DISP1: variants seen among roughly 807,000 people sequenced by gnomAD.
DISP1 encodes the protein protein dispatched homolog 1.
Under a neutral mutation model 37.3 loss-of-function variants are expected in DISP1, and 30 were observed. That is an observed-to-expected ratio of 0.80 (90% CI 0.60 to 1.09). The LOEUF is 1.09. Among genes scored for constraint, DISP1 ranks in the 50% least tolerant of loss-of-function variants. DISP1 has a pLI of 0.00. For missense variants in DISP1, 1,598 were observed against 1,879.5 expected, an observed-to-expected ratio of 0.85 and a Z score of 2.77; for synonymous variants, 634 against 690.2, an observed-to-expected ratio of 0.92 and a Z score of 1.28.
chr1:222,815,048 C>G lies in DISP1; in HGVS notation c.-189C>G, dbSNP rs1320486877. The G allele has an allele frequency of 6.6e-6, 1 of 152,204 alleles. No individual in the cohort carries two copies. The highest frequency in any genetic ancestry group is 2.1e-4 in the South Asian group (1 of 4,834). 9.4% of individuals were successfully genotyped at this position (152,204 alleles called of 1,614,324 possible). A position where few individuals can be genotyped will look rare whatever the true frequency, so the allele number is the denominator to read the frequency against. On this transcript the variant is annotated 5_prime_UTR_variant, in exon 1 of 9. Transcript: ENST00000675850. ...GACCGCGCCAGGCGGAAGCCCGGCT[C>G]CGGGCCAGCATCCGAGAGCCCGGAC...
At chr1:222,965,176 G>C (rs1390268258) in intron 3 of DISP1, among the ~76,000 whole-genome samples, 3 of 152,132 alleles carry the variant, frequency 2.0e-5, no homozygotes, top group Non-Finnish European at 4.4e-5. Flanking sequence ...GGCTGCCTGG[G>C]TTTGAATCCT....
At chr1:222,855,461 C>G (rs939682383) in intron 1 of DISP1, among the ~76,000 whole-genome samples, 3 of 152,158 alleles carry the variant, frequency 2.0e-5, no homozygotes, top group Admixed American at 6.5e-5. Flanking sequence ...ACAAACTGAA[C>G]TAGTTAGAAA....
At chr1:222,970,452 G>A (rs1431785394) in intron 3 of DISP1, among the ~76,000 whole-genome samples, 2 of 152,076 alleles carry the variant, frequency 1.3e-5, no homozygotes, top group East Asian at 1.9e-4. Context: ...CTTATGGGGG[G>A]ATCATTTTTA....
chr1:222,852,515 G>A (rs927729493), intron 1 of DISP1, among the ~76,000 whole-genome samples: 2 of 151,804 alleles, frequency 1.3e-5, no homozygotes, highest in African/African-American at 4.8e-5. Context: ...CACCAAAGTT[G>A]TTTTCTTAAC....
intron 1 of DISP1, among the ~76,000 whole-genome samples, chr1:222,906,325 T>A (rs1292694029): frequency 6.6e-6 from 1 of 152,210 alleles, no homozygotes; most frequent in Non-Finnish European, 1.5e-5. Context: ...GGGGGAACTT[T>A]TTCTTGTTTG....
intron 3 of DISP1, among the ~76,000 whole-genome samples, chr1:222,954,311 A>G (rs1185485010): frequency 3.9e-5 from 6 of 152,224 alleles, no homozygotes; most frequent in African/African-American, 2.4e-5. Context: ...TGTTCTTTTC[A>G]GCAAAATTGA....
chr1:222,906,748 G>A (rs1671918403), intron 1 of DISP1, among the ~76,000 whole-genome samples: 1 of 152,230 alleles, frequency 6.6e-6, no homozygotes, highest in Admixed American at 6.5e-5. Context: ...ATAAAAATGG[G>A]CAACCAGCAG....
At chr1:222,878,815 T>G (rs529434007) in intron 1 of DISP1, among the ~76,000 whole-genome samples, 92 of 152,300 alleles carry the variant, frequency 6.0e-4, no homozygotes, top group African/African-American at 2.0e-3. Flanking sequence ...CAAATATTCA[T>G]TTTAATTCTT....
intron 1 of DISP1, chr1:222,827,634 A>G (rs1664751679): frequency 6.6e-6 from 1 of 152,172 alleles, no homozygotes; most frequent in South Asian, 2.1e-4. Context: ...TATATAATTA[A>G]TAATCATTTT....
At chr1:222,947,438 A>G (rs2125505435) in intron 3 of DISP1, among the ~76,000 whole-genome samples, 1 of 152,232 alleles carries the variant, frequency 6.6e-6, no homozygotes, top group East Asian at 1.9e-4. Flanking sequence ...TATCAATTAC[A>G]CAATACATTT....
chr1:223,004,984 C>T lies in DISP1; in HGVS notation c.3587C>T (p.Pro1196Leu), dbSNP rs1451993871. The part of the protein sequence containing the change: ...ELEHEFYELE[P>L]LASHSCTAPE... The stretch of plus-strand genomic sequence containing the variant: ...GAGCATGAGTTTTATGAATTAGAAC[C>T]TCTGGCTTCCCACAGCTGCACTGCC... Residue 1196 changes from proline (P) to leucine (L), a missense_variant, in exon 9 of 9, where the codon CCT (proline) becomes CTT (leucine). Physicochemically the swap from Pro to Leu is moderately conservative, Grantham distance 98. Coordinates refer to ENST00000675850, the MANE Select transcript of DISP1 (RefSeq NM_001377229.1). The surrounding 1 kb of genome is among the most constrained non-coding windows in gnomAD (Gnocchi z 4.9). The T allele has an allele frequency of 3.7e-6, 6 of 1,613,948 alleles. No individual in the cohort carries two copies. In the East Asian group the frequency reaches 8.9e-5, roughly 24 times the overall value.
intron 3 of DISP1, among the ~76,000 whole-genome samples, chr1:222,979,157 C>T (rs1483194033): frequency 6.6e-6 from 1 of 152,158 alleles, no homozygotes; most frequent in Non-Finnish European, 1.5e-5. Flanking sequence ...GCCTGTAATC[C>T]CAGCACTTTG....
At chr1:222,940,611 T>C (rs1436549886) in intron 2 of DISP1, among the ~76,000 whole-genome samples, 2 of 152,194 alleles carry the variant, frequency 1.3e-5, no homozygotes, top group African/African-American at 4.8e-5. Context: ...ATTGATTGAA[T>C]TAAATACCTA....
chr1:222,832,370 A>G (rs1318857355), intron 1 of DISP1, among the ~76,000 whole-genome samples: 1 of 152,180 alleles, frequency 6.6e-6, no homozygotes, highest in Non-Finnish European at 1.5e-5. Flanking sequence ...TTGTTAAATC[A>G]TCAAGTCATT....
chr1:222,841,075 A>G (rs981084747), intron 1 of DISP1, among the ~76,000 whole-genome samples: 3 of 152,144 alleles, frequency 2.0e-5, no homozygotes, highest in Non-Finnish European at 4.4e-5. Context: ...CAGACATATA[A>G]AATGCTATTA....
chr1:222,821,878 C>CAAAAAA (rs35160286), intron 1 of DISP1, among the ~76,000 whole-genome samples: 16 of 73,592 alleles, frequency 2.2e-4, no homozygotes, highest in African/African-American at 8.8e-4. Context: ...GACTCCATCT[C>CAAAAAA]AAAAAAAAAA....
intron 1 of DISP1, among the ~76,000 whole-genome samples, chr1:222,869,358 A>G (rs1369647282): frequency 6.6e-6 from 1 of 152,222 alleles, no homozygotes; most frequent in African/African-American, 2.4e-5. Flanking sequence ...CATTTAAAAA[A>G]CTGTGAGAAA....
rs1558345472 is a variant in DISP1 at position 222,943,129 on chromosome 1, CG to C, written c.307del (p.Glu103ArgfsTer64). On this transcript the variant is annotated frameshift_variant, in exon 3 of 9. Transcript: ENST00000675850. LOFTEE classifies it high-confidence loss of function. ...ATAGCAGTCACCAAGAGTGCCATCC[CG>C]AGGCTGGCCCTGCAGCACCCTCTGC... ...SHSSHQECHP[E>X]AGPAAPSALA... The C allele has an allele frequency of 2.5e-6, 4 of 1,613,654 alleles. No homozygotes were observed. In the South Asian group the frequency reaches 3.3e-5, roughly 13 times the overall value.
chr1:222,971,401 A>AC (rs1350451716), intron 3 of DISP1, among the ~76,000 whole-genome samples: 1 of 117,446 alleles, frequency 8.5e-6, no homozygotes, highest in African/African-American at 2.7e-5. Context: ...TTAACCCCAC[A>AC]CCCCCCAAGT....
Sources: allele counts gnomAD v4.1 joint callset (sites outside exome capture counted in the v4.1 genomes callset), GRCh38; gene constraint gnomAD v4.1.1; non-coding constraint Gnocchi (gnomAD v3.1); transcripts MANE v1.5; gene names NCBI Gene and HGNC (gene_info 2026-07-23, HGNC 2026-07-21).